The following C1orf21 variants were observed in gnomAD, a reference collection of about 807,000 sequenced individuals.
C1orf21 encodes uncharacterized protein C1orf21.
A neutral mutation model predicts 18.7 loss-of-function variants in C1orf21; 3 were observed. That is an observed-to-expected ratio of 0.16 (90% CI 0.07 to 0.42). The LOEUF is 0.42. Among genes scored for constraint, C1orf21 ranks in the 10% least tolerant of loss-of-function variants. The probability of loss-of-function intolerance (pLI) is 0.99; values close to 1 mark genes in which losing one functional copy is unlikely to be tolerated. For synonymous variants in C1orf21, 41 were observed against 46.4 expected (o/e 0.88, Z 0.47); for missense variants, 104 against 143.6 (o/e 0.72, Z 1.41).
chr1:184,596,752 TC>T (rs1659519711), intron 4 of C1orf21, among the ~76,000 whole-genome samples: 1 of 151,604 alleles, frequency 6.6e-6, no homozygotes, highest in Non-Finnish European at 1.5e-5. Flanking sequence ...ACGCCTGCAG[TC>T]CCAACTACTC....
intron 1 of C1orf21, among the ~76,000 whole-genome samples, chr1:184,468,529 A>G (rs1657441534): frequency 6.6e-6 from 1 of 152,270 alleles, no homozygotes; most frequent in Non-Finnish European, 1.5e-5. Flanking sequence ...ACATTACATT[A>G]TTAAAATTAT....
chr1:184,467,361 G>A lies in C1orf21; in HGVS notation c.-124-10025G>A, dbSNP rs142974104. The stretch of plus-strand genomic sequence containing the variant: ...AAAGTGTAATAGTTGGAAGATGTGA[G>A]CTACATGCTCATTGAGGCTATGATG... On this transcript the variant is annotated intron_variant, in intron 1 of 5. Coordinates refer to ENST00000235307, the MANE Select transcript of C1orf21 (RefSeq NM_030806.4). Among the ~76,000 whole-genome samples, 218 of 152,304 alleles carry A rather than the reference G, an allele frequency of 1.4e-3. 1 individual carries two copies. The highest frequency in any genetic ancestry group is 9.5e-3 in the South Asian group (46 of 4,822).
At chr1:184,448,986 G>T (rs776391163) in intron 1 of C1orf21, among the ~76,000 whole-genome samples, 1 of 152,022 alleles carries the variant, frequency 6.6e-6, no homozygotes, top group Admixed American at 6.6e-5. Flanking sequence ...TTAAGGTGAC[G>T]AAACTTAATT....
chr1:184,410,662 TA>T (rs1417617836), intron 1 of C1orf21, among the ~76,000 whole-genome samples: 102 of 7,052 alleles, frequency 0.014, no homozygotes, highest in Non-Finnish European at 0.018. Flanking sequence ...TATATATATA[TA>T]TTTTTTTTTT....
intron 1 of C1orf21, among the ~76,000 whole-genome samples, chr1:184,402,726 CTATT>C (rs1213593337): frequency 1.3e-5 from 2 of 151,998 alleles, no homozygotes; most frequent in African/African-American, 4.8e-5. Context: ...CTGTTTTCCT[CTATT>C]GGTCTGTCCC....
chr1:184,482,191 A>T (rs1017518127), intron 2 of C1orf21, among the ~76,000 whole-genome samples: 1 of 152,190 alleles, frequency 6.6e-6, no homozygotes, highest in Non-Finnish European at 1.5e-5. Context: ...ATGCAGCTGC[A>T]TACAGCTGGG....
chr1:184,566,412 C>T (rs1210661027), intron 3 of C1orf21: 5 of 159,354 alleles, frequency 3.1e-5, no homozygotes, highest in African/African-American at 4.8e-5. Context: ...TGACACATGT[C>T]GGACAGCTGC....
At chr1:184,505,500 C>T (rs1313219404) in intron 2 of C1orf21, among the ~76,000 whole-genome samples, 4 of 151,582 alleles carry the variant, frequency 2.6e-5, no homozygotes, top group Non-Finnish European at 4.4e-5. Context: ...TGATGGCTCA[C>T]GCCTGTAATC....
intron 2 of C1orf21, among the ~76,000 whole-genome samples, chr1:184,488,731 G>A (rs1571382008): frequency 6.6e-6 from 1 of 152,192 alleles, no homozygotes; most frequent in South Asian, 2.1e-4. Flanking sequence ...TTGGGAGGCC[G>A]AGGCGAGCAG....
chr1:184,454,902 A>G (rs1657175959), intron 1 of C1orf21, among the ~76,000 whole-genome samples: 2 of 152,196 alleles, frequency 1.3e-5, no homozygotes, highest in African/African-American at 2.4e-5. Context: ...GAATGGATTA[A>G]TACAAGTATT....
intron 1 of C1orf21, among the ~76,000 whole-genome samples, chr1:184,431,494 A>C (rs1342488241): frequency 6.6e-6 from 1 of 152,188 alleles, no homozygotes; most frequent in Non-Finnish European, 1.5e-5. Context: ...ACTTAAACAT[A>C]AGACCTAAAA....
intron 1 of C1orf21, among the ~76,000 whole-genome samples, chr1:184,435,263 C>A (rs1221781584): frequency 6.6e-6 from 1 of 152,122 alleles, no homozygotes; most frequent in Non-Finnish European, 1.5e-5. Context: ...TTTAGACATT[C>A]CAGCACTGAG....
At chr1:184,538,430 T>C (rs1262988935) in intron 3 of C1orf21, among the ~76,000 whole-genome samples, 4 of 152,220 alleles carry the variant, frequency 2.6e-5, no homozygotes, top group Admixed American at 2.0e-4. Context: ...TTTTATTCTA[T>C]CACTCATATC....
chr1:184,475,519 C>T (rs1426797729), intron 1 of C1orf21, among the ~76,000 whole-genome samples: 1 of 152,184 alleles, frequency 6.6e-6, no homozygotes, highest in Non-Finnish European at 1.5e-5. Context: ...CTTTCCTCTG[C>T]CCAGTCATAA....
At chr1:184,398,187 T>A (rs757087649) in intron 1 of C1orf21, among the ~76,000 whole-genome samples, 1 of 152,214 alleles carries the variant, frequency 6.6e-6, no homozygotes, top group African/African-American at 2.4e-5. Flanking sequence ...AAAGCTAACA[T>A]GTACTGAGTG....
At chr1:184,467,056 T>C (rs1176595808) in intron 1 of C1orf21, among the ~76,000 whole-genome samples, 2 of 152,198 alleles carry the variant, frequency 1.3e-5, no homozygotes, top group South Asian at 2.1e-4. Context: ...TAAGATTCTC[T>C]ATGATGGCCC....
chr1:184,457,926 C>A (rs1023266197), intron 1 of C1orf21, among the ~76,000 whole-genome samples: 1 of 152,152 alleles, frequency 6.6e-6, no homozygotes, highest in Non-Finnish European at 1.5e-5. Flanking sequence ...GTTCCTACTA[C>A]GTGCTTGGCA....
At chr1:184,533,818 TG>T (rs1225474295) in intron 3 of C1orf21, among the ~76,000 whole-genome samples, 1 of 152,146 alleles carries the variant, frequency 6.6e-6, no homozygotes, top group Non-Finnish European at 1.5e-5. Context: ...GGGCAGTGAA[TG>T]GGGTATGTGA....
rs574410234 is a variant in C1orf21, at chr1:184,626,480, G to T, written c.*6924G>T. On this transcript the variant is annotated 3_prime_UTR_variant, in exon 6 of 6. Transcript: ENST00000235307. ...CTTGGACTTGTAGAGGGAGAGAGAAGAGCAAGGGACGTGGACGGGGCAGTG... is the reference window on the plus strand; with the variant it reads ...CTTGGACTTGTAGAGGGAGAGAGAATAGCAAGGGACGTGGACGGGGCAGTG... The T allele has an allele frequency of 6.5e-6, 1 of 153,008 alleles. No homozygotes were observed. The highest frequency in any genetic ancestry group is 1.5e-5 in the Non-Finnish European group (1 of 68,622). The allele number at this position is 153,008 out of a possible 1,614,324, so 9.5% of individuals were successfully genotyped here. A position where few individuals can be genotyped will look rare whatever the true frequency, so the allele number is the denominator to read the frequency against.
Sources: gnomAD v4.1 joint callset for allele counts (sites outside exome capture counted in the v4.1 genomes callset) on GRCh38, gnomAD v4.1.1 for gene constraint, MANE v1.5 for transcripts, NCBI Gene and HGNC (gene_info 2026-07-23, HGNC 2026-07-21) for gene names.